The following ANK2 variants were observed in gnomAD, a reference collection of about 807,000 sequenced individuals.
ANK2 encodes the protein ankyrin 2.
Under a neutral mutation model 360.5 loss-of-function variants are expected in ANK2, and 83 were observed. That is an observed-to-expected ratio of 0.23 (90% CI 0.19 to 0.28). The LOEUF is 0.28. Among genes scored for constraint, ANK2 ranks in the 10% least tolerant of loss-of-function variants. ANK2 has a pLI of 1.00. For missense variants in ANK2, 4,201 were observed against 4,795.7 expected (o/e 0.88, Z 3.66); for synonymous variants, 1,740 against 1,759.5 (o/e 0.99, Z 0.28).
intron 1 of ANK2, among the ~76,000 whole-genome samples, chr4:113,111,905 G>C (rs974225038): frequency 6.6e-6 from 1 of 152,146 alleles, no homozygotes; most frequent in African/African-American, 2.4e-5. Flanking sequence ...AGGCTGAAAA[G>C]AAACACTTCT....
intron 4 of ANK2, among the ~76,000 whole-genome samples, chr4:113,231,202 C>T (rs930222138): frequency 6.6e-6 from 1 of 152,016 alleles, no homozygotes; most frequent in Non-Finnish European, 1.5e-5. Context: ...CAGGCATGTG[C>T]CACCACGCCT....
intron 2 of ANK2, among the ~76,000 whole-genome samples, chr4:112,961,936 A>G (rs1304043015): frequency 6.6e-6 from 1 of 152,104 alleles, no homozygotes; most frequent in Non-Finnish European, 1.5e-5. Flanking sequence ...TTTGTTTGGG[A>G]TGGGGCCTGG....
chr4:113,275,372 A>G (rs1002319619), intron 15 of ANK2, among the ~76,000 whole-genome samples: 1 of 152,232 alleles, frequency 6.6e-6, no homozygotes, highest in Non-Finnish European at 1.5e-5. Context: ...AGCTAATTAG[A>G]GCAAAATTAA....
At position 113,353,804 on chromosome 4, in the gene ANK2, A is replaced by T; in HGVS notation, c.5186A>T (p.Lys1729Ile). The T allele has an allele frequency of 1.9e-6, 3 of 1,614,038 alleles. No individual in the cohort carries two copies. Among genetic ancestry groups the T allele is most frequent in the African/African-American group, 1.3e-5 (1 of 75,052 alleles). Reference protein sequence around the residue: ...LQASAEKAELKKGSSEESLGE... With the variant: ...LQASAEKAELIKGSSEESLGE... ...GCTAGTGCAGAGAAAGCTGAACTTA[A>T]AAAAGGTAGTTCAGAAGAGTCATTA... Residue 1729 changes from lysine (K) to isoleucine (I), a missense_variant, in exon 38 of 46, where the codon AAA (lysine) becomes ATA (isoleucine). Transcript: ENST00000357077.
At chr4:113,242,547 C>T (rs967312450) in intron 9 of ANK2, among the ~76,000 whole-genome samples, 5 of 152,104 alleles carry the variant, frequency 3.3e-5, no homozygotes, top group Non-Finnish European at 7.4e-5. Flanking sequence ...AACTAATTAC[C>T]ATACATTAAG....
chr4:112,784,330 A>G, the ANK2 span, among the ~76,000 whole-genome samples: 1 of 146,048 alleles, frequency 6.8e-6, no homozygotes, highest in African/African-American at 2.5e-5. Flanking sequence ...GACTACAGGC[A>G]CGTGCCACCA....
chr4:112,930,117 CT>C (rs1349168981), intron 2 of ANK2, among the ~76,000 whole-genome samples: 104 of 144,836 alleles, frequency 7.2e-4, no homozygotes, highest in East Asian at 1.4e-3. Flanking sequence ...TGAAAGCTCC[CT>C]TTTTTTTTTT....
intron 22 of ANK2, among the ~76,000 whole-genome samples, chr4:113,302,484 A>G (rs1369428128): frequency 1.3e-5 from 2 of 152,218 alleles, no homozygotes; most frequent in Admixed American, 6.5e-5. Context: ...ACAACTAATT[A>G]TTATTAATAA....
rs578058195 is a variant in ANK2 at position 113,234,005 on chromosome 4, A to G, written c.483+1746A>G. On this transcript the variant is annotated intron_variant, in intron 5 of 45. Coordinates refer to ENST00000357077, the MANE Select transcript of ANK2 (RefSeq NM_001148.6). ...ATCAGGGCCTCTGAGAAATATATCA[A>G]AATAAGGACATCTATATTTGTTTTA... Among the ~76,000 whole-genome samples, 9 of 152,342 alleles carry G rather than the reference A, an allele frequency of 5.9e-5. No individual in the cohort carries two copies. In the East Asian group the frequency reaches 1.5e-3, roughly 26 times the overall value.
At chr4:113,345,811 A>G in intron 34 of ANK2, 89 bp from the exon 35 acceptor site, 2 of 1,542,328 alleles carry the variant, frequency 1.3e-6, no homozygotes, top group Non-Finnish European at 1.8e-6. Flanking sequence ...TAACAAATGA[A>G]TTTTACTTTT....
intron 1 of ANK2, among the ~76,000 whole-genome samples, chr4:113,052,527 A>G (rs1397762955): frequency 2.6e-5 from 4 of 152,220 alleles, no homozygotes; most frequent in Non-Finnish European, 1.5e-5. Context: ...GGACAGAGCT[A>G]AAGGGTCTTT....
At chr4:112,748,891 T>TTTTA in the ANK2 span, among the ~76,000 whole-genome samples, 38 of 152,062 alleles carry the variant, frequency 2.5e-4, no homozygotes, top group Non-Finnish European at 4.3e-4. Context: ...GGACCTATGA[T>TTTTA]TTTATTTATT....
chr4:113,150,305 C>T (rs1447761464), intron 1 of ANK2, among the ~76,000 whole-genome samples: 2 of 152,150 alleles, frequency 1.3e-5, no homozygotes, highest in African/African-American at 4.8e-5. Flanking sequence ...AAGAATAATG[C>T]TTGGACTCTC....
At chr4:112,877,021 C>T (rs1486256718) in intron 1 of ANK2, among the ~76,000 whole-genome samples, 2 of 152,154 alleles carry the variant, frequency 1.3e-5, no homozygotes, top group African/African-American at 4.8e-5. Context: ...ACTTTCTCCC[C>T]CTTAATTGAG....
chr4:112,734,095 T>C, the ANK2 span, among the ~76,000 whole-genome samples: 19 of 152,210 alleles, frequency 1.2e-4, no homozygotes, highest in African/African-American at 3.9e-4. Flanking sequence ...ACTTATATGA[T>C]GTGGTGTGTG....
intron 1 of ANK2, among the ~76,000 whole-genome samples, chr4:112,902,980 A>G (rs2083926332): frequency 6.6e-6 from 1 of 152,188 alleles, no homozygotes; most frequent in South Asian, 2.1e-4. Context: ...CTGAAGAATG[A>G]CACTTCCTTG....
intron 1 of ANK2, among the ~76,000 whole-genome samples, chr4:113,118,187 CATTT>C (rs1184252671): frequency 1.3e-5 from 2 of 152,096 alleles, no homozygotes; most frequent in Non-Finnish European, 2.9e-5. Context: ...CTGAAATACT[CATTT>C]AGTCAGTGAT....
the ANK2 span, among the ~76,000 whole-genome samples, chr4:112,746,865 G>A: frequency 1.3e-5 from 2 of 152,146 alleles, no homozygotes; most frequent in Admixed American, 6.6e-5. Context: ...ACATGCTTTT[G>A]TGATTTTTCT....
intron 2 of ANK2, among the ~76,000 whole-genome samples, chr4:112,966,961 A>G (rs902639034): frequency 1.3e-5 from 2 of 152,200 alleles, no homozygotes; most frequent in African/African-American, 4.8e-5. Context: ...CATGTCAAGC[A>G]AATTGCTGGT....
Sources: allele counts gnomAD v4.1 joint callset (sites outside exome capture counted in the v4.1 genomes callset), GRCh38; gene constraint gnomAD v4.1.1; transcripts MANE v1.5; gene names NCBI Gene and HGNC (gene_info 2026-07-23, HGNC 2026-07-21).